The following VWDE variants were observed in gnomAD, a reference collection of about 807,000 sequenced individuals.
VWDE encodes von Willebrand factor D and EGF domain-containing protein.
Under a neutral mutation model 178.4 loss-of-function variants are expected in VWDE, and 207 were observed. The ratio of observed to expected loss-of-function variants is 1.16; its 90% CI spans 1.04 to 1.30. The LOEUF is 1.30. VWDE is among the 50% of genes most tolerant of loss of function. The pLI is 0.00. For missense variants in VWDE, 2,287 were observed against 1,901.3 expected (o/e 1.20, Z -3.77); for synonymous variants, 738 against 651.4 (o/e 1.13, Z -2.02).
intron 13 of VWDE, 112 bp downstream of exon 13, chr7:12,367,245 T>TATA: frequency 1.3e-6 from 1 of 784,554 alleles, no homozygotes; most frequent in Non-Finnish European, 1.8e-6. Flanking sequence ...GCTCTCTAGA[T>TATA]ATAATATCGT....
chr7:12,361,076 A>T, intron 15 of VWDE, 71 bp downstream of exon 15: 1 of 928,552 alleles, frequency 1.1e-6, no homozygotes, highest in Non-Finnish European at 1.6e-6. Context: ...AACTACAATT[A>T]ATGTGCCCAC....
In VWDE at chr7:12,337,064, G is replaced by A; in HGVS notation, c.4482C>T (p.Cys1494=). The A allele has an allele frequency of 4.5e-6, 7 of 1,551,604 alleles. No homozygotes were observed. The highest frequency in any genetic ancestry group is 6.1e-6 in the Non-Finnish European group (7 of 1,146,936). The change falls in exon 26 of 29, where the codon TGC becomes TGT. Residue 1494 remains cysteine, a synonymous_variant. Coordinates refer to ENST00000275358, the MANE Select transcript of VWDE (RefSeq NM_001135924.3). ...RFQKSICDPT[C]MNGGKCVGPS... ...GTCCCACACATTTTCCTCCATTCAT[G>A]CACGTAGGATCACAGATGCCTTAAG...
Position 12,389,363 on chromosome 7 carries a change from T to C in VWDE, c.244-5A>G, listed in dbSNP as rs988128307. 2.0e-6 allele frequency: 3 copies of C among 1,531,248 alleles called. No individual in the cohort carries two copies. The highest frequency in any genetic ancestry group is 2.7e-6 in the Non-Finnish European group (3 of 1,131,036). 94.9% of individuals were successfully genotyped at this position (1,531,248 alleles called of 1,614,324 possible). On this transcript the variant is annotated splice_region_variant and splice_polypyrimidine_tract_variant and intron_variant, in intron 2 of 28. Transcript: ENST00000275358. ...CTGAGTTCCACAATGGTTCATCTTTTGCAGGAGAGAAAACAAAAGTTGAAA... is the reference window on the plus strand; with the variant it reads ...CTGAGTTCCACAATGGTTCATCTTTCGCAGGAGAGAAAACAAAAGTTGAAA...
chr7:12,403,787 A>G lies in VWDE; in HGVS notation c.-71T>C. 1.3e-6 allele frequency: 2 copies of G among 1,484,210 alleles called. No homozygotes were observed. Among genetic ancestry groups the G allele is most frequent in the Non-Finnish European group, 1.8e-6 (2 of 1,089,042 alleles). The allele number at this position is 1,484,210 out of a possible 1,614,324, so 91.9% of individuals were successfully genotyped here. Reference sequence around the variant, plus strand: ...GCGGGTGCCAGGAGGATGGGGCCACAGCAGCCCCTCGGGCCTCCTTTCTTG... The same window carrying G: ...GCGGGTGCCAGGAGGATGGGGCCACGGCAGCCCCTCGGGCCTCCTTTCTTG... On this transcript the variant is annotated 5_prime_UTR_variant, in exon 1 of 29. Coordinates refer to ENST00000275358, the MANE Select transcript of VWDE (RefSeq NM_001135924.3).
At chr7:12,366,721 T>C (rs1168660489) in intron 13 of VWDE, among the ~76,000 whole-genome samples, 1 of 152,070 alleles carries the variant, frequency 6.6e-6, no homozygotes, top group Non-Finnish European at 1.5e-5. Context: ...TGGTTTGCTG[T>C]CTTAAGTTTT....
chr7:12,399,595 C>T (rs1222848772), intron 1 of VWDE, among the ~76,000 whole-genome samples: 1 of 152,106 alleles, frequency 6.6e-6, no homozygotes, highest in African/African-American at 2.4e-5. Flanking sequence ...AAACACTATT[C>T]CTAAAAATAT....
chr7:12,338,177 G>C (rs1781139379), intron 24 of VWDE, among the ~76,000 whole-genome samples: 1 of 151,448 alleles, frequency 6.6e-6, no homozygotes, highest in Admixed American at 6.6e-5. Context: ...TTTTCAAATG[G>C]ATTTTAAATG....
Position 12,375,006 on chromosome 7 carries a change from C to T in VWDE, c.1242+4G>A. 6.5e-7 allele frequency: 1 copy of T among 1,550,256 alleles called. No homozygotes were observed. Among genetic ancestry groups the T allele is most frequent in the Non-Finnish European group, 8.7e-7 (1 of 1,145,950 alleles). On this transcript the variant is annotated splice_donor_region_variant and intron_variant, in intron 8 of 28. Coordinates refer to ENST00000275358, the MANE Select transcript of VWDE (RefSeq NM_001135924.3). ...TTGCAGTATTAGTGTTGTAATTTGT[C>T]AACCTGGATGCTGTCTGGAATGTAG... is the stretch of plus-strand genomic sequence containing the variant.
chr7:12,379,701 A>G (rs1783734205), intron 5 of VWDE, 135 bp from the exon 6 acceptor site: 1 of 575,474 alleles, frequency 1.7e-6, no homozygotes, highest in East Asian at 3.2e-5. Flanking sequence ...AATAATTTAA[A>G]AGCTTACTTG....
chr7:12,354,760 T>C (rs557046691), intron 18 of VWDE, among the ~76,000 whole-genome samples: 75 of 152,306 alleles, frequency 4.9e-4, no homozygotes, highest in African/African-American at 1.6e-3. Context: ...ACTCCATTAA[T>C]AGTTAAGGCA....
At chr7:12,347,524 A>G (rs1781671086) in intron 19 of VWDE, among the ~76,000 whole-genome samples, 1 of 152,174 alleles carries the variant, frequency 6.6e-6, no homozygotes, top group African/African-American at 2.4e-5. Context: ...AAAACAATGT[A>G]TTATTGGCAT....
chr7:12,336,111 T>A, intron 27 of VWDE, 30 bp downstream of exon 27: 1 of 1,519,080 alleles, frequency 6.6e-7, no homozygotes, highest in Non-Finnish European at 8.9e-7. Context: ...ATTCAGAACA[T>A]ATAGTAGGAA....
At chr7:12,387,909 A>G (rs1266176590) in intron 3 of VWDE, among the ~76,000 whole-genome samples, 1 of 152,066 alleles carries the variant, frequency 6.6e-6, no homozygotes, top group African/African-American at 2.4e-5. Flanking sequence ...ATAATAGAGA[A>G]TTTGCACTTA....
At chr7:12,389,728 C>A (rs1410427858) in intron 2 of VWDE, among the ~76,000 whole-genome samples, 2 of 152,092 alleles carry the variant, frequency 1.3e-5, no homozygotes, top group Admixed American at 1.3e-4. Flanking sequence ...CAAAGATAAA[C>A]TGATCTTGGA....
chr7:12,332,972 T>TCTG (rs1478994697), intron 28 of VWDE, among the ~76,000 whole-genome samples: 1 of 152,156 alleles, frequency 6.6e-6, no homozygotes, highest in Non-Finnish European at 1.5e-5. Flanking sequence ...CATTTGTCTG[T>TCTG]ATGTTTGTAT....
chr7:12,359,282 T>C (rs4721092), intron 16 of VWDE, among the ~76,000 whole-genome samples: 14,350 of 152,234 alleles, frequency 0.094, 837 homozygotes, highest in East Asian at 0.19. Flanking sequence ...CCATGGCCTT[T>C]GAGCTTAAAT....
intron 15 of VWDE, among the ~76,000 whole-genome samples, chr7:12,360,052 C>T (rs2128552961): frequency 6.6e-6 from 1 of 152,142 alleles, no homozygotes; most frequent in East Asian, 1.9e-4. Flanking sequence ...TTTTCCTCCA[C>T]AATTTATAAA....
intron 27 of VWDE, among the ~76,000 whole-genome samples, chr7:12,334,455 T>A (rs557421481): frequency 7.5e-6 from 1 of 132,946 alleles, no homozygotes; most frequent in East Asian, 2.3e-4. Flanking sequence ...ATTGACAGGG[T>A]TGTTTTCATC....
Position 12,369,597 on chromosome 7 carries a change from C to A in VWDE, c.2709G>T (p.Trp903Cys), listed in dbSNP as rs911628559. 9.7e-6 allele frequency: 15 copies of A among 1,550,818 alleles called. No homozygotes were observed. In the East Asian group the frequency reaches 2.4e-4, roughly 25 times the overall value. The part of the protein sequence containing the change: ...LCSGNGQCME[W>C]GCACSPSFSS... The stretch of plus-strand genomic sequence containing the variant: ...TAAAGCTTGGGGAACACGCACACCC[C>A]CATTCCATGCACTGCCCATTGCCGC... The change falls in exon 12 of 29, where the codon TGG becomes TGT. Residue 903 changes from tryptophan (W) to cysteine (C), a missense_variant. Transcript: ENST00000275358.
Sources: gnomAD v4.1 joint callset for allele counts (sites outside exome capture counted in the v4.1 genomes callset) on GRCh38, gnomAD v4.1.1 for gene constraint, MANE v1.5 for transcripts, NCBI Gene and HGNC (gene_info 2026-07-23, HGNC 2026-07-21) for gene names.